The following TFAP2E variants were observed in gnomAD, a reference collection of about 807,000 sequenced individuals.
TFAP2E encodes transcription factor AP-2 epsilon.
TFAP2E carries 30 observed loss-of-function variants against 37.9 expected under a neutral mutation model. The ratio of observed to expected loss-of-function variants is 0.79; its 90% CI spans 0.59 to 1.07. The LOEUF is 1.07. TFAP2E is among the 50% of genes least tolerant of loss of function. The pLI is 0.00. For synonymous variants in TFAP2E, 318 were observed against 295.8 expected, an observed-to-expected ratio of 1.08 and a Z score of -0.77; for missense variants, 567 against 637.9, an observed-to-expected ratio of 0.89 and a Z score of 1.20.
rs896042653 is a variant in TFAP2E at position 35,573,773 on chromosome 1, G to A, written c.28-154G>A. 1.5e-5 allele frequency: 20 copies of A among 1,372,884 alleles called. No individual in the cohort carries two copies. In the African/African-American group the frequency reaches 2.9e-4, roughly 20 times the overall value. 85.0% of individuals were successfully genotyped at this position (1,372,884 alleles called of 1,614,324 possible). The stretch of plus-strand genomic sequence containing the variant: ...AAGTGACCGCTGTCCCCAGCCTGAG[G>A]CTCCTGCGCCCGCGGGTGGCTCGGA... On this transcript the variant is annotated intron_variant, in intron 1 of 6. Coordinates refer to ENST00000373235, the MANE Select transcript of TFAP2E (RefSeq NM_178548.4). The surrounding 1 kb of genome is among the most constrained non-coding windows in gnomAD (Gnocchi z 5.9).
At chr1:35,579,884 A>C (rs1015501622) in intron 3 of TFAP2E, among the ~76,000 whole-genome samples, 3 of 151,988 alleles carry the variant, frequency 2.0e-5, no homozygotes, top group Non-Finnish European at 4.4e-5. Context: ...ACCTTGGAGC[A>C]GGGGAGTGAA....
In TFAP2E at chr1:35,577,402, G is replaced by T. The variant is rs192441123; in HGVS notation, c.562+2402G>T. The T allele has an allele frequency of 3.4e-4, 154 of 456,788 alleles. No individual in the cohort carries two copies. Among genetic ancestry groups the T allele is most frequent in the African/African-American group, 2.0e-3 (99 of 50,210 alleles). 28.3% of individuals were successfully genotyped at this position (456,788 alleles called of 1,614,324 possible). On this transcript the variant is annotated intron_variant, in intron 3 of 6. Transcript: ENST00000373235. The surrounding 1 kb of genome is among the most constrained non-coding windows in gnomAD (Gnocchi z 6.3). ...TGAATTAGCGCCCTCCTTCGTCCTC[G>T]GCCCTTCCGACGGCACGAGGAACTC...
At chr1:35,592,783 T>G (rs1292173716) in intron 6 of TFAP2E, among the ~76,000 whole-genome samples, 1 of 152,188 alleles carries the variant, frequency 6.6e-6, no homozygotes, top group Admixed American at 6.5e-5. Flanking sequence ...GCTTTCTGGC[T>G]CATAGACAGC....
rs1649622202 is a variant in TFAP2E, at chr1:35,590,357, AG to A, written c.905-274del. 6.6e-6 allele frequency among the ~76,000 whole-genome samples: 1 copy of A among 151,746 alleles called. No homozygotes were observed. The highest frequency in any genetic ancestry group is 6.6e-5 in the Admixed American group (1 of 15,238). On this transcript the variant is annotated intron_variant, in intron 5 of 6. Coordinates refer to ENST00000373235, the MANE Select transcript of TFAP2E (RefSeq NM_178548.4). The surrounding 1 kb of genome is among the most constrained non-coding windows in gnomAD (Gnocchi z 6.2). ...AGTGGCCAGTGTTTGGATGTGGTAA[AG>A]GGATGAAGGGGGTGACAGCCCCCTC...
At chr1:35,584,727 A>G (rs985086186) in intron 3 of TFAP2E, among the ~76,000 whole-genome samples, 4 of 150,052 alleles carry the variant, frequency 2.7e-5, no homozygotes, top group African/African-American at 9.8e-5. Context: ...TTGTAGAGAC[A>G]AGGTCTCATT....
Position 35,573,769 on chromosome 1 carries a change from T to C in TFAP2E, c.28-158T>C. 1 of 1,373,826 alleles carries C rather than the reference T, an allele frequency of 7.3e-7. No homozygotes were observed. The highest frequency in any genetic ancestry group is 9.5e-7 in the Non-Finnish European group (1 of 1,051,530). The allele number at this position is 1,373,826 out of a possible 1,614,324, so 85.1% of individuals were successfully genotyped here. A position where few individuals can be genotyped will look rare whatever the true frequency, so the allele number is the denominator to read the frequency against. On this transcript the variant is annotated intron_variant, in intron 1 of 6. Coordinates refer to ENST00000373235, the MANE Select transcript of TFAP2E (RefSeq NM_178548.4). The surrounding 1 kb of genome is among the most constrained non-coding windows in gnomAD (Gnocchi z 5.9). ...GCGCAAGTGACCGCTGTCCCCAGCC[T>C]GAGGCTCCTGCGCCCGCGGGTGGCT...
In TFAP2E at chr1:35,577,199, G is replaced by A; in HGVS notation, c.562+2199G>A. ...CCGGGCACAGTTGGATCCGGAGGTC[G>A]TGACCCAGGGGAAAGCGTGGGCGGT... On this transcript the variant is annotated intron_variant, in intron 3 of 6. Coordinates refer to ENST00000373235, the MANE Select transcript of TFAP2E (RefSeq NM_178548.4). This position sits in a 1 kb window ranked among gnomAD's most constrained non-coding sequence, Gnocchi z 6.3. 2.8e-6 allele frequency: 1 copy of A among 359,076 alleles called. No individual in the cohort carries two copies. 22.2% of individuals were successfully genotyped at this position (359,076 alleles called of 1,614,324 possible).
Position 35,573,776 on chromosome 1 carries a change from C to T in TFAP2E, c.28-151C>T, listed in dbSNP as rs1348027195. The T allele has an allele frequency of 1.2e-5, 16 of 1,371,988 alleles. No individual in the cohort carries two copies. Among genetic ancestry groups the T allele is most frequent in the South Asian group, 3.2e-5 (2 of 62,914 alleles). 85.0% of individuals were successfully genotyped at this position (1,371,988 alleles called of 1,614,324 possible). On this transcript the variant is annotated intron_variant, in intron 1 of 6. Transcript: ENST00000373235. This position sits in a 1 kb window ranked among gnomAD's most constrained non-coding sequence, Gnocchi z 5.9. ...TGACCGCTGTCCCCAGCCTGAGGCT[C>T]CTGCGCCCGCGGGTGGCTCGGAAAT...
chr1:35,579,234 A>C (rs1364303954), intron 3 of TFAP2E, among the ~76,000 whole-genome samples: 1 of 151,366 alleles, frequency 6.6e-6, no homozygotes, highest in African/African-American at 2.4e-5. Flanking sequence ...CGTTTCTACT[A>C]AAAATACAAA....
chr1:35,573,956 C>A lies in TFAP2E; in HGVS notation c.57C>A (p.Ala19=). The A allele has an allele frequency of 7.0e-7, 1 of 1,426,216 alleles. No individual in the cohort carries two copies. The highest frequency in any genetic ancestry group is 1.4e-5 in the South Asian group (1 of 69,272). 88.3% of individuals were successfully genotyped at this position (1,426,216 alleles called of 1,614,324 possible). The part of the protein sequence containing the change: ...MERPDGLGAA[A]GGARLSSLPQ... ...GCCCCGACGGGCTGGGAGCAGCTGC[C>A]GGCGGGGCCCGCCTGTCGTCTCTGC... Residue 19 remains alanine, a synonymous_variant, in exon 2 of 7, where the codon GCC becomes GCA. Coordinates refer to ENST00000373235, the MANE Select transcript of TFAP2E (RefSeq NM_178548.4). This position sits in a 1 kb window ranked among gnomAD's most constrained non-coding sequence, Gnocchi z 5.9.
rs550056609 is a variant in TFAP2E, at chr1:35,588,086, C to T, written c.563-244C>T. On this transcript the variant is annotated intron_variant, in intron 3 of 6. Coordinates refer to ENST00000373235, the MANE Select transcript of TFAP2E (RefSeq NM_178548.4). The surrounding 1 kb of genome is among the most constrained non-coding windows in gnomAD (Gnocchi z 5.1). ...GGCATCCGCTAAAACACCAAGATTC[C>T]GCTGGAGCTGTTTGAGTTTAAGATA... Among the ~76,000 whole-genome samples the T allele has an allele frequency of 3.9e-5, 6 of 152,252 alleles. No homozygotes were observed. Among genetic ancestry groups the T allele is most frequent in the African/African-American group, 7.2e-5 (3 of 41,534 alleles).
At chr1:35,592,701 A>T (rs996494806) in intron 6 of TFAP2E, among the ~76,000 whole-genome samples, 2 of 152,128 alleles carry the variant, frequency 1.3e-5, no homozygotes, top group East Asian at 3.9e-4. Flanking sequence ...CCAACAAGAG[A>T]CATTTATTTC....
chr1:35,574,089 C>T lies in TFAP2E; in HGVS notation c.190C>T (p.Leu64=). The change falls in exon 2 of 7, where the codon CTG becomes TTG. Residue 64 remains leucine, a synonymous_variant. Coordinates refer to ENST00000373235, the MANE Select transcript of TFAP2E (RefSeq NM_178548.4). ...CCCGCCGCCCTACCCGCAGCCACCG[C>T]TGCCCTACGGTCAGGCGCCCGACGC... ...YFPPPYPQPP[L]PYGQAPDAAA... is the part of the protein sequence containing the mutation. The T allele has an allele frequency of 1.4e-6, 2 of 1,476,260 alleles. No individual in the cohort carries two copies. The highest frequency in any genetic ancestry group is 1.8e-6 in the Non-Finnish European group (2 of 1,117,504). 91.4% of individuals were successfully genotyped at this position (1,476,260 alleles called of 1,614,324 possible).
chr1:35,579,238 A>G (rs1271896086), intron 3 of TFAP2E, among the ~76,000 whole-genome samples: 3 of 151,452 alleles, frequency 2.0e-5, no homozygotes, highest in Non-Finnish European at 4.4e-5. Context: ...TCTACTAAAA[A>G]TACAAAAATT....
At chr1:35,579,482 C>A (rs892498086) in intron 3 of TFAP2E, among the ~76,000 whole-genome samples, 1 of 152,046 alleles carries the variant, frequency 6.6e-6, no homozygotes, top group Non-Finnish European at 1.5e-5. Context: ...CAGCTCACTG[C>A]AACCTCTGCC....
rs144986023 is a variant in TFAP2E at position 35,576,790 on chromosome 1, G to A, written c.562+1790G>A. Among the ~76,000 whole-genome samples the A allele has an allele frequency of 9.0e-3, 1,369 of 152,310 alleles. 24 individuals carry two copies. Among genetic ancestry groups the A allele is most frequent in the East Asian group, 0.063 (325 of 5,184 alleles). On this transcript the variant is annotated intron_variant, in intron 3 of 6. Transcript: ENST00000373235. ...TAGGGGTACGCCGAAATCCCCCAAA[G>A]CAGTCCAAAGAACACAACGAGAGTC...
At chr1:35,591,225 G>A (rs1484870657) in intron 6 of TFAP2E, among the ~76,000 whole-genome samples, 1 of 152,158 alleles carries the variant, frequency 6.6e-6, no homozygotes, top group Non-Finnish European at 1.5e-5. Flanking sequence ...AGCTCCTGGA[G>A]CACACATAGA....
intron 4 of TFAP2E, 68 bp from the exon 5 acceptor site, chr1:35,589,862 C>T (rs926308427): frequency 6.5e-7 from 1 of 1,544,484 alleles, no homozygotes; most frequent in Non-Finnish European, 8.9e-7. Flanking sequence ...CCTTTGGCAG[C>T]CACTTAGCTT....
In TFAP2E at chr1:35,573,770, G is replaced by T; in HGVS notation, c.28-157G>T. The T allele has an allele frequency of 7.3e-7, 1 of 1,376,942 alleles. No homozygotes were observed. Among genetic ancestry groups the T allele is most frequent in the East Asian group, 3.0e-5 (1 of 33,646 alleles). 85.3% of individuals were successfully genotyped at this position (1,376,942 alleles called of 1,614,324 possible). ...CGCAAGTGACCGCTGTCCCCAGCCT[G>T]AGGCTCCTGCGCCCGCGGGTGGCTC... On this transcript the variant is annotated intron_variant, in intron 1 of 6. Transcript: ENST00000373235. The surrounding 1 kb of genome is among the most constrained non-coding windows in gnomAD (Gnocchi z 5.9).
Sources: allele counts gnomAD v4.1 joint callset (sites outside exome capture counted in the v4.1 genomes callset), GRCh38; gene constraint gnomAD v4.1.1; non-coding constraint Gnocchi (gnomAD v3.1); transcripts MANE v1.5; gene names NCBI Gene and HGNC (gene_info 2026-07-23, HGNC 2026-07-21).